TENM3: variants seen among roughly 807,000 people sequenced by gnomAD.
The protein encoded by TENM3 is teneurin-3.
In TENM3, 63 loss-of-function variants were observed where a neutral mutation model predicts 255.1. The observed-to-expected ratio is 0.25, with a 90% CI of 0.20 to 0.30. The LOEUF is 0.30. Ranked by LOEUF, TENM3 falls within the 10% of genes least tolerant of loss-of-function variation. TENM3 has a pLI of 1.00. For missense variants in TENM3, 2,929 were observed against 3,461.1 expected, an observed-to-expected ratio of 0.85 and a Z score of 3.86; for synonymous variants, 1,306 against 1,322.3, an observed-to-expected ratio of 0.99 and a Z score of 0.27.
At chr4:182,013,935 TGTGTGTATATACGTATATACACAC>T in the TENM3 span, among the ~76,000 whole-genome samples, 1 of 147,534 alleles carries the variant, frequency 6.8e-6, no homozygotes, top group Non-Finnish European at 1.5e-5. Flanking sequence ...CATATATCTG[TGTGTGTATATACGTATATACACAC>T]ATATATACGT....
At chr4:181,797,166 C>CTT in the TENM3 span, among the ~76,000 whole-genome samples, 1 of 146,526 alleles carries the variant, frequency 6.8e-6, no homozygotes, top group African/African-American at 2.5e-5. Flanking sequence ...ATCTTTTTTC[C>CTT]TTTTTTTTTT....
At chr4:182,635,107 T>C (rs1751736680) in intron 5 of TENM3, among the ~76,000 whole-genome samples, 1 of 152,190 alleles carries the variant, frequency 6.6e-6, no homozygotes. Flanking sequence ...CCATGTACAG[T>C]AGCACCAAAG....
intron 3 of TENM3, among the ~76,000 whole-genome samples, chr4:182,465,080 T>G (rs557721619): frequency 2.6e-5 from 4 of 152,196 alleles, no homozygotes; most frequent in Non-Finnish European, 5.9e-5. Flanking sequence ...GTATGTTGAT[T>G]AATAACTCTT....
chr4:182,511,402 G>A (rs1266037651), intron 3 of TENM3, among the ~76,000 whole-genome samples: 2 of 152,098 alleles, frequency 1.3e-5, no homozygotes, highest in Non-Finnish European at 1.5e-5. Flanking sequence ...AGCTTTTATG[G>A]AATCATGGCA....
intron 24 of TENM3, among the ~76,000 whole-genome samples, chr4:182,782,956 C>T (rs913844484): frequency 3.9e-4 from 58 of 148,380 alleles, no homozygotes; most frequent in African/African-American, 1.2e-3. Context: ...TGTCTCTGCA[C>T]GTGAGATGGA....
the TENM3 span, among the ~76,000 whole-genome samples, chr4:181,467,109 A>G: frequency 1.7e-5 from 1 of 58,060 alleles, no homozygotes; most frequent in African/African-American, 8.0e-5. Context: ...GTGTGTATAT[A>G]TATATATATA....
the TENM3 span, among the ~76,000 whole-genome samples, chr4:181,490,043 T>A: frequency 6.6e-6 from 1 of 152,192 alleles, no homozygotes; most frequent in Admixed American, 6.6e-5. Flanking sequence ...TTTGTTATTT[T>A]AAATACATAT....
At chr4:182,299,908 A>G (rs1277833560) in intron 1 of TENM3, among the ~76,000 whole-genome samples, 1 of 148,144 alleles carries the variant, frequency 6.8e-6, no homozygotes, top group African/African-American at 2.6e-5. Flanking sequence ...GTATTCAAGT[A>G]GATCTTTTTT....
the TENM3 span, among the ~76,000 whole-genome samples, chr4:182,011,986 G>C: frequency 6.6e-6 from 1 of 152,156 alleles, no homozygotes; most frequent in African/African-American, 2.4e-5. Flanking sequence ...GAGAGACCTA[G>C]ATAGAGAAGA....
At chr4:181,515,769 A>G in the TENM3 span, among the ~76,000 whole-genome samples, 3 of 152,144 alleles carry the variant, frequency 2.0e-5, no homozygotes, top group Admixed American at 6.5e-5. Flanking sequence ...ATGATGAGAC[A>G]TTGTTCTGAA....
intron 22 of TENM3, among the ~76,000 whole-genome samples, chr4:182,762,385 G>A (rs562463296): frequency 2.6e-5 from 4 of 152,264 alleles, no homozygotes; most frequent in African/African-American, 7.2e-5. Flanking sequence ...TCCCTTACAC[G>A]GTGATTGTCA....
the TENM3 span, among the ~76,000 whole-genome samples, chr4:181,862,348 T>C: frequency 6.6e-6 from 1 of 152,148 alleles, no homozygotes; most frequent in African/African-American, 2.4e-5. Flanking sequence ...ATATTTCTCA[T>C]AAAATGCAAT....
chr4:182,386,752 C>T (rs1434730920), intron 3 of TENM3, among the ~76,000 whole-genome samples: 1 of 152,226 alleles, frequency 6.6e-6, no homozygotes, highest in Non-Finnish European at 1.5e-5. Flanking sequence ...ACCGGCGCTG[C>T]TCTCGATTTC....
the TENM3 span, among the ~76,000 whole-genome samples, chr4:181,457,534 G>C: frequency 2.6e-5 from 4 of 151,776 alleles, no homozygotes; most frequent in East Asian, 7.8e-4. Flanking sequence ...AGTTGTTACT[G>C]ATCAATATGT....
chr4:181,735,742 C>A, the TENM3 span, among the ~76,000 whole-genome samples: 1 of 152,042 alleles, frequency 6.6e-6, no homozygotes, highest in East Asian at 1.9e-4. Context: ...GACACTAGAG[C>A]AAGACTTGAT....
At chr4:182,400,995 T>A (rs1485243283) in intron 3 of TENM3, among the ~76,000 whole-genome samples, 1 of 152,222 alleles carries the variant, frequency 6.6e-6, no homozygotes, top group African/African-American at 2.4e-5. Flanking sequence ...TGGTGCGTAG[T>A]GGATGTGATC....
chr4:181,884,367 GTATA>G, the TENM3 span, among the ~76,000 whole-genome samples: 1 of 151,738 alleles, frequency 6.6e-6, no homozygotes, highest in Non-Finnish European at 1.5e-5. Context: ...GTGACATTAA[GTATA>G]TTCACAAGGT....
At chr4:181,534,411 G>A in the TENM3 span, among the ~76,000 whole-genome samples, 4 of 152,124 alleles carry the variant, frequency 2.6e-5, no homozygotes, top group African/African-American at 9.6e-5. Flanking sequence ...AGACATTTTA[G>A]TTCCTTTGGT....
the TENM3 span, among the ~76,000 whole-genome samples, chr4:181,688,702 G>C: frequency 2.0e-5 from 3 of 152,100 alleles, no homozygotes; most frequent in African/African-American, 7.2e-5. Context: ...TGAGAAGGGG[G>C]CCTGCCACAG....
Sources: allele counts gnomAD v4.1 joint callset (sites outside exome capture counted in the v4.1 genomes callset), GRCh38; gene constraint gnomAD v4.1.1; transcripts MANE v1.5; gene names NCBI Gene and HGNC (gene_info 2026-07-23, HGNC 2026-07-21).